The following DPYD variants were observed in gnomAD, a reference collection of about 807,000 sequenced individuals.
DPYD encodes dihydropyrimidine dehydrogenase [NADP(+)].
DPYD carries 109 observed loss-of-function variants against 116.2 expected under a neutral mutation model. The ratio of observed to expected loss-of-function variants is 0.94; its 90% CI spans 0.80 to 1.10. The LOEUF is 1.10. DPYD is among the 50% of genes least tolerant of loss of function. The pLI is 0.00. For missense variants in DPYD, 1,302 were observed against 1,254.5 expected (o/e 1.04, Z -0.57); for synonymous variants, 440 against 432.0 (o/e 1.02, Z -0.23).
At chr1:97,722,789 A>G (rs1217387830) in intron 4 of DPYD, among the ~76,000 whole-genome samples, 1 of 151,528 alleles carries the variant, frequency 6.6e-6, no homozygotes, top group Admixed American at 6.6e-5. Flanking sequence ...CCAGCACTTT[A>G]AAAGACTTTT....
intron 12 of DPYD, among the ~76,000 whole-genome samples, chr1:97,548,955 G>A (rs913943666): frequency 1.3e-5 from 2 of 151,958 alleles, no homozygotes; most frequent in African/African-American, 4.8e-5. Flanking sequence ...TATACCATCA[G>A]ATTTGATAAG....
intron 12 of DPYD, chr1:97,545,998 G>A (rs2102070249): frequency 1.5e-6 from 2 of 1,349,712 alleles, no homozygotes; most frequent in South Asian, 2.3e-5. Flanking sequence ...GCTGTCCTTG[G>A]GAGTTTTCCA....
intron 13 of DPYD, among the ~76,000 whole-genome samples, chr1:97,476,510 T>C (rs1422770996): frequency 6.6e-6 from 1 of 152,246 alleles, no homozygotes. Context: ...AATTTAATGA[T>C]AAAACTATGC....
chr1:97,115,137 G>C (rs1042793453), intron 20 of DPYD, among the ~76,000 whole-genome samples: 5 of 152,118 alleles, frequency 3.3e-5, no homozygotes. Flanking sequence ...CAATGGTGTG[G>C]GTTCTATTAC....
intron 8 of DPYD, among the ~76,000 whole-genome samples, chr1:97,618,042 T>C (rs1571069477): frequency 1.3e-5 from 2 of 152,160 alleles, no homozygotes; most frequent in East Asian, 3.9e-4. Context: ...TGGGCAAGTA[T>C]GTAGAGAAAT....
At chr1:97,645,684 T>A (rs538144596) in intron 8 of DPYD, among the ~76,000 whole-genome samples, 45 of 152,234 alleles carry the variant, frequency 3.0e-4, no homozygotes, top group African/African-American at 9.6e-4. Context: ...TAACTTTTGT[T>A]GTTCTTATAA....
chr1:97,145,061 A>G (rs1381772417), intron 20 of DPYD, among the ~76,000 whole-genome samples: 1 of 152,192 alleles, frequency 6.6e-6, no homozygotes, highest in Non-Finnish European at 1.5e-5. Context: ...AAAAAAATGA[A>G]GCATAATAAT....
intron 18 of DPYD, chr1:97,295,620 A>T (rs1220222286): frequency 4.1e-6 from 1 of 246,538 alleles, no homozygotes; most frequent in Non-Finnish European, 6.5e-6. Flanking sequence ...TGGTAGAGAC[A>T]GGGTTTCACC....
intron 17 of DPYD, 149 bp from the exon 18 acceptor site, chr1:97,305,527 C>T (rs981062088): frequency 2.8e-6 from 3 of 1,056,344 alleles, no homozygotes; most frequent in South Asian, 2.7e-5. Flanking sequence ...TTAACTCCTA[C>T]ATTTATGTTT....
intron 20 of DPYD, among the ~76,000 whole-genome samples, chr1:97,108,506 G>A (rs1175680565): frequency 6.6e-6 from 1 of 152,100 alleles, no homozygotes; most frequent in African/African-American, 2.4e-5. Flanking sequence ...AACATTCTGA[G>A]TCTATTAGGC....
chr1:97,649,300 T>C (rs961595137), intron 8 of DPYD, among the ~76,000 whole-genome samples: 26 of 152,168 alleles, frequency 1.7e-4, no homozygotes, highest in African/African-American at 5.5e-4. Flanking sequence ...CATGACTATT[T>C]CCATTTAAAA....
At chr1:97,226,192 T>C (rs1324239608) in intron 19 of DPYD, among the ~76,000 whole-genome samples, 1 of 152,152 alleles carries the variant, frequency 6.6e-6, no homozygotes, top group Non-Finnish European at 1.5e-5. Context: ...TGAACATCTT[T>C]CTTAATAAAA....
intron 4 of DPYD, among the ~76,000 whole-genome samples, chr1:97,725,433 C>T (rs1246475301): frequency 6.6e-6 from 1 of 151,380 alleles, no homozygotes; most frequent in Non-Finnish European, 1.5e-5. Flanking sequence ...GCTGAGTTTG[C>T]AAAAATTGAC....
At chr1:97,474,533 C>G (rs1388972522) in intron 13 of DPYD, among the ~76,000 whole-genome samples, 3 of 151,636 alleles carry the variant, frequency 2.0e-5, no homozygotes, top group South Asian at 2.1e-4. Flanking sequence ...TAATATTACT[C>G]CTAGTAATTA....
intron 13 of DPYD, among the ~76,000 whole-genome samples, chr1:97,490,805 C>T (rs1381717645): frequency 6.8e-6 from 1 of 146,238 alleles, no homozygotes; most frequent in Non-Finnish European, 1.5e-5. Context: ...CTTTGTAATA[C>T]TATTGCCCTG....
chr1:97,370,887 T>C (rs1049319160), intron 16 of DPYD, among the ~76,000 whole-genome samples: 4 of 152,154 alleles, frequency 2.6e-5, no homozygotes, highest in African/African-American at 9.7e-5. Flanking sequence ...AGATTTGATA[T>C]GAAGCTTTGT....
rs139236811 is a variant in DPYD, at chr1:97,789,430, T to G, written c.233+38684A>C. On this transcript the variant is annotated intron_variant, in intron 3 of 22. Transcript: ENST00000370192. The stretch of plus-strand genomic sequence containing the variant: ...ACAGCATTTCTTTCTTTTGCAAAAT[T>G]GAATCACAAGCTATTATTTGCATGT... 2.5e-3 allele frequency among the ~76,000 whole-genome samples: 379 copies of G among 152,312 alleles called. 5 individuals carry two copies. The highest frequency in any genetic ancestry group is 8.7e-3 in the African/African-American group (363 of 41,572).
At chr1:97,827,989 T>TG (rs1669322306) in intron 3 of DPYD, 125 bp downstream of exon 3, 1 of 946,622 alleles carries the variant, frequency 1.1e-6, no homozygotes, top group Non-Finnish European at 1.7e-6. Context: ...GTCTCTCCAC[T>TG]GACAAATTAA....
At position 97,397,696 on chromosome 1, in the gene DPYD, T is replaced by G. The variant is rs141100836; in HGVS notation, c.1906-15235A>C. Among the ~76,000 whole-genome samples the G allele has an allele frequency of 2.4e-3, 365 of 152,166 alleles. 1 individual carries two copies. The highest frequency in any genetic ancestry group is 4.4e-3 in the Non-Finnish European group (298 of 67,988). Reference sequence around the variant, plus strand: ...TCCTCCATGTTTTCATGGCTTGATATTTATACCATTTTAGCACTAAATAAT... The same window carrying G: ...TCCTCCATGTTTTCATGGCTTGATAGTTATACCATTTTAGCACTAAATAAT... On this transcript the variant is annotated intron_variant, in intron 14 of 22. Transcript: ENST00000370192.
Sources: gnomAD v4.1 joint callset for allele counts (sites outside exome capture counted in the v4.1 genomes callset) on GRCh38, gnomAD v4.1.1 for gene constraint, MANE v1.5 for transcripts, NCBI Gene and HGNC (gene_info 2026-07-23, HGNC 2026-07-21) for gene names.